Variants in ITFG1 observed in about 807,000 individuals in gnomAD.
ITFG1 encodes T-cell immunomodulatory protein.
In ITFG1, 34 loss-of-function variants were observed where a neutral mutation model predicts 81.8. The observed-to-expected ratio is 0.42, with a 90% CI of 0.32 to 0.55. The LOEUF is 0.55. Among genes scored for constraint, ITFG1 ranks in the 20% least tolerant of loss-of-function variants. The probability of loss-of-function intolerance (pLI) is 0.17; values close to 1 mark genes in which losing one functional copy is unlikely to be tolerated. For missense variants in ITFG1, 672 were observed against 755.4 expected (o/e 0.89, Z 1.29); for synonymous variants, 285 against 270.6 (o/e 1.05, Z -0.52).
Position 47,229,369 on chromosome 16 carries a change from A to G in ITFG1, c.1374+8596T>C, listed in dbSNP as rs1156714264. On this transcript the variant is annotated intron_variant, in intron 13 of 17. Coordinates refer to ENST00000320640, the MANE Select transcript of ITFG1 (RefSeq NM_030790.5). ...TTACAGAGGCAGGTGCAGGAACAGG[A>G]GGTGACAGAGGTGACAGAACATAGT... Among the ~76,000 whole-genome samples the G allele has an allele frequency of 2.0e-5, 3 of 152,118 alleles. No homozygotes were observed. In the East Asian group the frequency reaches 5.8e-4, roughly 29 times the overall value.
chr16:47,326,710 A>T (rs1411694396), intron 8 of ITFG1, among the ~76,000 whole-genome samples: 1 of 152,204 alleles, frequency 6.6e-6, no homozygotes, highest in African/African-American at 2.4e-5. Context: ...ATCATGAGTG[A>T]ACTCCCATTC....
At chr16:47,306,305 T>A (rs1292587126) in intron 10 of ITFG1, among the ~76,000 whole-genome samples, 7 of 152,152 alleles carry the variant, frequency 4.6e-5, no homozygotes, top group Admixed American at 4.6e-4. Flanking sequence ...ACTGAGCTAT[T>A]AAACCACCAG....
chr16:47,249,731 T>C (rs1011619411), intron 12 of ITFG1, among the ~76,000 whole-genome samples: 2 of 152,146 alleles, frequency 1.3e-5, no homozygotes, highest in Non-Finnish European at 2.9e-5. Flanking sequence ...TATCATTTCA[T>C]GTTAAACCAT....
chr16:47,443,358 GA>G (rs1969279743), intron 5 of ITFG1, among the ~76,000 whole-genome samples: 1 of 152,120 alleles, frequency 6.6e-6, no homozygotes, highest in Admixed American at 6.5e-5. Context: ...CAGGGATCTA[GA>G]ACTAGAAATA....
chr16:47,278,338 ATGGTGG>A (rs1315138703), intron 10 of ITFG1, among the ~76,000 whole-genome samples: 18 of 152,312 alleles, frequency 1.2e-4, no homozygotes, highest in Admixed American at 7.2e-4. Context: ...ATTTCTCAGA[ATGGTGG>A]TGATTTGAAA....
chr16:47,243,268 A>T (rs1965958881), intron 12 of ITFG1, among the ~76,000 whole-genome samples: 1 of 152,188 alleles, frequency 6.6e-6, no homozygotes, highest in African/African-American at 2.4e-5. Flanking sequence ...TTAGATACAA[A>T]GTGGTTGTCT....
chr16:47,155,734 A>G lies in ITFG1; in HGVS notation c.1824T>C (p.His608=). The G allele has an allele frequency of 6.2e-7, 1 of 1,609,288 alleles. No homozygotes were observed. Among genetic ancestry groups the G allele is most frequent in the South Asian group, 1.1e-5 (1 of 90,220 alleles). The change falls in exon 18 of 18, where the codon CAT becomes CAC. Residue 608 remains histidine, a synonymous_variant. Transcript: ENST00000320640. The part of the protein sequence containing the change: ...REKRQEAHRF[H]FDAM ...TAAAGGCAAGTCACATAGCATCAAA[A>G]TGAAACCGGTGGGCTTCTTGTCGTT...
chr16:47,168,460 A>G (rs1469473101), intron 14 of ITFG1, among the ~76,000 whole-genome samples: 1 of 151,494 alleles, frequency 6.6e-6, no homozygotes, highest in Non-Finnish European at 1.5e-5. Flanking sequence ...TGCAGCCTCG[A>G]TCTCCTGGGC....
At chr16:47,178,626 G>T (rs977402915) in intron 14 of ITFG1, among the ~76,000 whole-genome samples, 1 of 152,128 alleles carries the variant, frequency 6.6e-6, no homozygotes, top group African/African-American at 2.4e-5. Context: ...AAAAACCCTA[G>T]AAGAAAACCT....
At chr16:47,219,378 C>A (rs961820899) in intron 13 of ITFG1, among the ~76,000 whole-genome samples, 1 of 152,116 alleles carries the variant, frequency 6.6e-6, no homozygotes, top group Non-Finnish European at 1.5e-5. Context: ...ATTAGTTCCA[C>A]CACATTTAAA....
chr16:47,433,806 TAC>T (rs1315762191), intron 5 of ITFG1, among the ~76,000 whole-genome samples: 9 of 110,844 alleles, frequency 8.1e-5, no homozygotes, highest in African/African-American at 3.1e-4. Context: ...CACACACACA[TAC>T]ACACACGTAT....
intron 8 of ITFG1, among the ~76,000 whole-genome samples, chr16:47,335,120 G>A (rs191922311): frequency 4.6e-5 from 7 of 152,304 alleles, no homozygotes; most frequent in Admixed American, 3.9e-4. Flanking sequence ...ACTTTGGGAG[G>A]CCGAGGAGGG....
chr16:47,433,770 A>AATATATATATATAT lies in ITFG1; in HGVS notation c.561-4886_561-4873dup, dbSNP rs59030134. 1.9e-3 allele frequency among the ~76,000 whole-genome samples: 233 copies of AATATATATATATAT among 124,458 alleles called. 2 individuals carry two copies. Among genetic ancestry groups the AATATATATATATAT allele is most frequent in the African/African-American group, 5.3e-3 (161 of 30,464 alleles). The allele number at this position is 124,458 out of a possible 152,430, so 81.6% of individuals were successfully genotyped here. ...TGCATTTTAAGATGAATAAAAACTGAATATATATATATATATATATATACA... is the reference window on the plus strand; with the variant it reads ...TGCATTTTAAGATGAATAAAAACTGAATATATATATATATATATATATATATATATATATATACA... On this transcript the variant is annotated intron_variant, in intron 5 of 17. Coordinates refer to ENST00000320640, the MANE Select transcript of ITFG1 (RefSeq NM_030790.5).
At chr16:47,434,088 A>G (rs913967470) in intron 5 of ITFG1, among the ~76,000 whole-genome samples, 2 of 151,352 alleles carry the variant, frequency 1.3e-5, no homozygotes, top group African/African-American at 4.8e-5. Context: ...AAAATATAAA[A>G]CCTAAACTAT....
At chr16:47,444,023 T>C (rs1168025613) in intron 5 of ITFG1, among the ~76,000 whole-genome samples, 2 of 152,218 alleles carry the variant, frequency 1.3e-5, no homozygotes, top group Admixed American at 6.5e-5. Flanking sequence ...CAGTCCTTCC[T>C]ATAAAAGCTG....
At chr16:47,377,331 C>A (rs190857273) in intron 6 of ITFG1, among the ~76,000 whole-genome samples, 1 of 152,098 alleles carries the variant, frequency 6.6e-6, no homozygotes, top group African/African-American at 2.4e-5. Flanking sequence ...CCTCTATGAA[C>A]GTCATTTGTT....
intron 7 of ITFG1, among the ~76,000 whole-genome samples, chr16:47,367,988 A>G (rs1968198809): frequency 6.6e-6 from 1 of 152,178 alleles, no homozygotes; most frequent in Non-Finnish European, 1.5e-5. Flanking sequence ...CTGTAATCCC[A>G]GCACTTTGGG....
chr16:47,321,087 G>T (rs572742499), intron 8 of ITFG1, among the ~76,000 whole-genome samples: 13 of 152,300 alleles, frequency 8.5e-5, no homozygotes, highest in Middle Eastern at 6.8e-3. Context: ...AGCTAACACA[G>T]GGAATAAGTC....
At chr16:47,337,136 T>C (rs1490766802) in intron 8 of ITFG1, among the ~76,000 whole-genome samples, 1 of 61,258 alleles carries the variant, frequency 1.6e-5, no homozygotes, top group African/African-American at 4.6e-5. Flanking sequence ...GAACTCTGTC[T>C]CAAAAAAAAA....
Sources: allele counts gnomAD v4.1 joint callset (sites outside exome capture counted in the v4.1 genomes callset), GRCh38; gene constraint gnomAD v4.1.1; transcripts MANE v1.5; gene names NCBI Gene and HGNC (gene_info 2026-07-23, HGNC 2026-07-21).